The following TCF12 variants were observed in gnomAD, a reference collection of about 807,000 sequenced individuals.
The protein encoded by TCF12 is DNA-binding protein HTF4.
A neutral mutation model predicts 86.0 loss-of-function variants in TCF12; 45 were observed. That is an observed-to-expected ratio of 0.52 (90% CI 0.41 to 0.67). The LOEUF is 0.67. Among genes scored for constraint, TCF12 ranks in the 30% least tolerant of loss-of-function variants. TCF12 has a pLI of 0.00. For missense variants in TCF12, 881 were observed against 859.9 expected, an observed-to-expected ratio of 1.02 and a Z score of -0.31; for synonymous variants, 330 against 299.6, an observed-to-expected ratio of 1.10 and a Z score of -1.05.
intron 5 of TCF12, among the ~76,000 whole-genome samples, chr15:57,141,691 G>A (rs1287109484): frequency 6.6e-6 from 1 of 152,164 alleles, no homozygotes; most frequent in Non-Finnish European, 1.5e-5. Flanking sequence ...TATTTCACTG[G>A]AAACAGCTAT....
At chr15:57,259,001 G>A (rs2060469090) in intron 16 of TCF12, among the ~76,000 whole-genome samples, 2 of 152,012 alleles carry the variant, frequency 1.3e-5, no homozygotes, top group Non-Finnish European at 2.9e-5. Context: ...ATGTGTCTAT[G>A]TTTCAACTGA....
At chr15:57,250,957 AAATAAT>A (rs2060087169) in intron 13 of TCF12, among the ~76,000 whole-genome samples, 1 of 151,986 alleles carries the variant, frequency 6.6e-6, no homozygotes, top group Admixed American at 6.6e-5. Flanking sequence ...AGAATAAGGG[AAATAAT>A]AATGTAGTCA....
chr15:56,918,474 T>C, upstream of TCF12: 3 of 328,542 alleles, frequency 9.1e-6, no homozygotes, highest in South Asian at 2.1e-5. Flanking sequence ...CCCAACTCCG[T>C]CCCGCCTCAC....
chr15:57,055,305 G>A (rs889035173), intron 3 of TCF12, among the ~76,000 whole-genome samples: 2 of 152,192 alleles, frequency 1.3e-5, no homozygotes, highest in Non-Finnish European at 2.9e-5. Context: ...GGGAGGCTGA[G>A]GCAGGAGAAT....
intron 5 of TCF12, among the ~76,000 whole-genome samples, chr15:57,158,498 C>T (rs1318204036): frequency 1.3e-5 from 2 of 152,010 alleles, no homozygotes; most frequent in Admixed American, 1.3e-4. Context: ...ATTTATAAAG[C>T]CTATTCAAAT....
chr15:57,280,700 T>C (rs914204636), intron 19 of TCF12, among the ~76,000 whole-genome samples: 3 of 151,944 alleles, frequency 2.0e-5, no homozygotes, highest in African/African-American at 7.3e-5. Context: ...TGAGACCCCA[T>C]CTCTGAAAAA....
intron 5 of TCF12, among the ~76,000 whole-genome samples, chr15:57,133,116 T>C (rs1420373763): frequency 1.3e-5 from 2 of 152,238 alleles, no homozygotes; most frequent in Admixed American, 1.3e-4. Flanking sequence ...TCCTCCTTTG[T>C]TTCATACTAT....
intron 7 of TCF12, among the ~76,000 whole-genome samples, chr15:57,196,215 G>T (rs2057257703): frequency 6.6e-6 from 1 of 151,746 alleles, no homozygotes; most frequent in Non-Finnish European, 1.5e-5. Context: ...AACATGCATA[G>T]ACTTATTTTT....
intron 3 of TCF12, among the ~76,000 whole-genome samples, chr15:56,929,604 C>A (rs1001673714): frequency 6.6e-6 from 1 of 151,946 alleles, no homozygotes; most frequent in Non-Finnish European, 1.5e-5. Context: ...ACCTAAAGAT[C>A]ACATTTAAAG....
intron 5 of TCF12, among the ~76,000 whole-genome samples, chr15:57,143,894 T>G (rs2615242): frequency 1 from 152,190 of 152,292 alleles, 76,045 homozygotes; most frequent in Middle Eastern, 1. Flanking sequence ...GTGTGGTGCT[T>G]ACTTCTGTCT....
intron 3 of TCF12, among the ~76,000 whole-genome samples, chr15:57,041,211 A>C (rs1180881972): frequency 6.6e-6 from 1 of 152,188 alleles, no homozygotes; most frequent in Non-Finnish European, 1.5e-5. Flanking sequence ...TAAAAGAAAG[A>C]TGGGCAATTT....
intron 3 of TCF12, among the ~76,000 whole-genome samples, chr15:56,968,040 T>C (rs1427020766): frequency 2.6e-5 from 4 of 152,072 alleles, no homozygotes; most frequent in Admixed American, 2.6e-4. Flanking sequence ...CCCTGCAACC[T>C]CCGCCTCCCA....
In TCF12 at chr15:57,170,664, T is replaced by G. The variant is rs1401057976; in HGVS notation, c.390+4198T>G. On this transcript the variant is annotated intron_variant, in intron 6 of 20. Coordinates refer to ENST00000333725, the MANE Select transcript of TCF12 (RefSeq NM_207037.2). The stretch of plus-strand genomic sequence containing the variant: ...TATAATATATATATTATATAAAATA[T>G]ATATATATATAATATATTATATATA... 2.8e-4 allele frequency among the ~76,000 whole-genome samples: 7 copies of G among 25,128 alleles called. No homozygotes were observed. The South Asian group carries it at 4.9e-3, about 18-fold the overall frequency. The allele number at this position is 25,128 out of a possible 152,430, so 16.5% of individuals were successfully genotyped here.
chr15:56,949,899 T>C (rs1455771110), intron 3 of TCF12, among the ~76,000 whole-genome samples: 1 of 152,228 alleles, frequency 6.6e-6, no homozygotes, highest in African/African-American at 2.4e-5. Context: ...AAGGCATGTT[T>C]AGTGGGGAAG....
At chr15:56,970,652 G>A (rs1230286446) in intron 3 of TCF12, among the ~76,000 whole-genome samples, 1 of 152,012 alleles carries the variant, frequency 6.6e-6, no homozygotes, top group African/African-American at 2.4e-5. Context: ...AAATCCCAAT[G>A]TAAAAAGAGG....
chr15:57,101,425 G>C (rs1028187525), intron 5 of TCF12, among the ~76,000 whole-genome samples: 1 of 152,094 alleles, frequency 6.6e-6, no homozygotes, highest in Non-Finnish European at 1.5e-5. Context: ...TGCCCAGGCT[G>C]GTCCGAACTC....
chr15:56,964,169 A>C (rs1178143581), intron 3 of TCF12, among the ~76,000 whole-genome samples: 1 of 152,204 alleles, frequency 6.6e-6, no homozygotes, highest in Admixed American at 6.5e-5. Flanking sequence ...TTCAAGAACA[A>C]GTTTCGAAGA....
chr15:57,041,948 C>T (rs989511380), intron 3 of TCF12, among the ~76,000 whole-genome samples: 2 of 152,146 alleles, frequency 1.3e-5, no homozygotes, highest in African/African-American at 4.8e-5. Flanking sequence ...CAAAAGTTTA[C>T]TGAACACGTT....
chr15:57,083,612 T>C (rs1456154177), intron 4 of TCF12, among the ~76,000 whole-genome samples: 1 of 152,154 alleles, frequency 6.6e-6, no homozygotes, highest in Non-Finnish European at 1.5e-5. Context: ...TGAGATGAGC[T>C]CTGGCTCTGC....
Sources: allele counts gnomAD v4.1 joint callset (sites outside exome capture counted in the v4.1 genomes callset), GRCh38; gene constraint gnomAD v4.1.1; transcripts MANE v1.5; gene names NCBI Gene and HGNC (gene_info 2026-07-23, HGNC 2026-07-21).